DLGAP1: variants seen among roughly 807,000 people sequenced by gnomAD.
DLGAP1 encodes the protein DLG associated protein 1, also known as disks large-associated protein 1.
In DLGAP1, 11 loss-of-function variants were observed where a neutral mutation model predicts 90.8. That is an observed-to-expected ratio of 0.12 (90% CI 0.08 to 0.20). The LOEUF is 0.20. Among genes scored for constraint, DLGAP1 ranks in the 10% least tolerant of loss-of-function variants. The pLI is 1.00. For synonymous variants in DLGAP1, 558 were observed against 540.7 expected (o/e 1.03, Z -0.44); for missense variants, 1,050 against 1,333.8 (o/e 0.79, Z 3.31).
chr18:4,408,981 ACAC>A (rs2144593161), intron 1 of DLGAP1, among the ~76,000 whole-genome samples: 1 of 1,996 alleles, frequency 5.0e-4, no homozygotes, highest in African/African-American at 1.4e-3. Flanking sequence ...ACACACACAA[ACAC>A]ACACACACAC....
At chr18:4,006,509 G>A (rs1239267867) in intron 2 of DLGAP1, among the ~76,000 whole-genome samples, 1 of 149,030 alleles carries the variant, frequency 6.7e-6, no homozygotes, top group African/African-American at 2.6e-5. Context: ...CACTCTAAGA[G>A]TGCTCCAGCT....
chr18:4,136,727 G>T (rs1363745147), intron 2 of DLGAP1, among the ~76,000 whole-genome samples: 2 of 152,098 alleles, frequency 1.3e-5, no homozygotes, highest in Non-Finnish European at 2.9e-5. Flanking sequence ...TTGCTGTACA[G>T]CAGCTTTTTA....
intron 1 of DLGAP1, among the ~76,000 whole-genome samples, chr18:4,449,980 C>T (rs2083778046): frequency 6.6e-6 from 1 of 152,172 alleles, no homozygotes; most frequent in South Asian, 2.1e-4. Context: ...TGCTGACCCT[C>T]CCAAACTCTA....
chr18:3,646,833 G>A (rs2059136092), intron 7 of DLGAP1, among the ~76,000 whole-genome samples: 1 of 152,154 alleles, frequency 6.6e-6, no homozygotes. Flanking sequence ...GCTGAAGCAG[G>A]AGAATGGCTT....
At chr18:3,826,338 A>G (rs1164257589) in intron 4 of DLGAP1, among the ~76,000 whole-genome samples, 1 of 152,208 alleles carries the variant, frequency 6.6e-6, no homozygotes, top group African/African-American at 2.4e-5. Context: ...AATGGGCAAA[A>G]TGTATGTTAG....
Position 3,632,027 on chromosome 18 carries a change from G to T in DLGAP1, c.1592-49779C>A, listed in dbSNP as rs184082910. On this transcript the variant is annotated intron_variant, in intron 7 of 12. Transcript: ENST00000315677. ...CTGGCTCAAGTGATCCTCCCACCTC[G>T]GCTTCCCCAAGAGATGGGGTTACAG... is the stretch of plus-strand genomic sequence containing the variant. Among the ~76,000 whole-genome samples the T allele has an allele frequency of 2.1e-3, 312 of 152,092 alleles. 1 individual carries two copies. Among genetic ancestry groups the T allele is most frequent in the African/African-American group, 7.2e-3 (299 of 41,492 alleles).
At position 4,006,486 on chromosome 18, in the gene DLGAP1, T is replaced by C. The variant is rs375381373; in HGVS notation, c.-158-1285A>G. 3.1e-4 allele frequency among the ~76,000 whole-genome samples: 47 copies of C among 151,678 alleles called. 3 individuals are homozygous for C. In the South Asian group the frequency reaches 3.9e-3, roughly 13 times the overall value. ...GAGTATAAAGTTGTTTGTTTCTTGA[T>C]AAGAACAGAGGTCACTCTAAGAGTG... On this transcript the variant is annotated intron_variant, in intron 2 of 12. Transcript: ENST00000315677.
Position 3,581,931 on chromosome 18 carries a change from C to T in DLGAP1, c.1909G>A (p.Glu637Lys). Residue 637 changes from glutamate (E) to lysine (K), a missense_variant, in exon 8 of 13, where the codon GAG (glutamate) becomes AAG (lysine). Coordinates refer to ENST00000315677, the MANE Select transcript of DLGAP1 (RefSeq NM_004746.4). ...TTTTIATVTT[E>K]DRKKDHFKKN... ...TTAAAGTGGTCCTTCTTCCTGTCCT[C>T]CGTGGTGACGGTGGCTATGGTAGTC... The T allele has an allele frequency of 1.2e-6, 2 of 1,614,210 alleles. No individual in the cohort carries two copies. Among genetic ancestry groups the T allele is most frequent in the Non-Finnish European group, 8.5e-7 (1 of 1,180,046 alleles).
intron 1 of DLGAP1, among the ~76,000 whole-genome samples, chr18:4,181,625 C>T (rs1344687315): frequency 6.6e-6 from 1 of 152,102 alleles, no homozygotes. Flanking sequence ...AAGTAAGTAC[C>T]ACTATATCTG....
At chr18:3,773,322 T>C (rs1235709059) in intron 5 of DLGAP1, among the ~76,000 whole-genome samples, 1 of 152,194 alleles carries the variant, frequency 6.6e-6, no homozygotes, top group Non-Finnish European at 1.5e-5. Flanking sequence ...ATAATTTATC[T>C]TTTTTGTTTT....
At chr18:4,118,546 T>C (rs1013861109) in intron 2 of DLGAP1, among the ~76,000 whole-genome samples, 30 of 152,098 alleles carry the variant, frequency 2.0e-4, no homozygotes, top group African/African-American at 7.0e-4. Flanking sequence ...CTGGGCCTCT[T>C]AGTCACCCCC....
chr18:4,127,225 C>T (rs1050045553), intron 2 of DLGAP1, among the ~76,000 whole-genome samples: 1 of 152,098 alleles, frequency 6.6e-6, no homozygotes, highest in African/African-American at 2.4e-5. Context: ...ACCTTCACAC[C>T]CTTCTCAAAG....
At chr18:4,238,381 G>C (rs1051256446) in intron 1 of DLGAP1, among the ~76,000 whole-genome samples, 1 of 152,244 alleles carries the variant, frequency 6.6e-6, no homozygotes, top group Non-Finnish European at 1.5e-5. Context: ...AAGTTACTTA[G>C]ATCATCAGAA....
rs2062246491 is a variant in DLGAP1 at position 3,727,958 on chromosome 18, T to A, written c.1591+1177A>T. The A allele has an allele frequency of 6.6e-6, 1 of 152,056 alleles. No homozygotes were observed. Among genetic ancestry groups the A allele is most frequent in the Non-Finnish European group, 1.5e-5 (1 of 68,006 alleles). 9.4% of individuals were successfully genotyped at this position (152,056 alleles called of 1,614,324 possible). The stretch of plus-strand genomic sequence containing the variant: ...CAGTCTGCGGTGGTCAAGAATGAAC[T>A]CCTCTTGTTTAACCCATATATTTAT... On this transcript the variant is annotated intron_variant, in intron 7 of 12. Transcript: ENST00000315677. The surrounding 1 kb of genome is among the most constrained non-coding windows in gnomAD (Gnocchi z 4.7).
At chr18:3,822,156 C>T (rs1388518422) in intron 4 of DLGAP1, among the ~76,000 whole-genome samples, 1 of 151,996 alleles carries the variant, frequency 6.6e-6, no homozygotes, top group African/African-American at 2.4e-5. Context: ...CCCTGGAAGC[C>T]CGAAATTGGT....
intron 5 of DLGAP1, among the ~76,000 whole-genome samples, chr18:3,767,031 CA>C (rs1471800287): frequency 1.3e-5 from 2 of 151,844 alleles, no homozygotes; most frequent in Non-Finnish European, 2.9e-5. Flanking sequence ...ACAAGCCTGA[CA>C]AAGAATAAAA....
At chr18:3,512,021 AG>A (rs1639587237) in intron 10 of DLGAP1, among the ~76,000 whole-genome samples, 1 of 151,256 alleles carries the variant, frequency 6.6e-6, no homozygotes, top group South Asian at 2.1e-4. Flanking sequence ...GGGGTTTTAA[AG>A]CTCTATGGGT....
chr18:3,602,893 T>G (rs1409899290), intron 7 of DLGAP1: 1 of 152,072 alleles, frequency 6.6e-6, no homozygotes, highest in Admixed American at 6.6e-5. Flanking sequence ...ATATCCTGCG[T>G]GTTGTGTGCT....
At chr18:4,391,104 A>C (rs968766105) in intron 1 of DLGAP1, among the ~76,000 whole-genome samples, 2 of 152,210 alleles carry the variant, frequency 1.3e-5, no homozygotes. Context: ...AGATAAACAT[A>C]ATCTCCCAGA....
Sources: gnomAD v4.1 joint callset for allele counts (sites outside exome capture counted in the v4.1 genomes callset) on GRCh38, gnomAD v4.1.1 for gene constraint, Gnocchi (gnomAD v3.1) non-coding constraint, MANE v1.5 for transcripts, NCBI Gene and HGNC (gene_info 2026-07-23, HGNC 2026-07-21) for gene names.